The following DTWD2 variants were observed in gnomAD, a reference collection of about 807,000 sequenced individuals.
DTWD2 encodes tRNA-uridine aminocarboxypropyltransferase 2.
A neutral mutation model predicts 31.8 loss-of-function variants in DTWD2; 39 were observed. That is an observed-to-expected ratio of 1.22 (90% CI 0.95 to 1.60). DTWD2 has a LOEUF of 1.60. Among genes scored for constraint, DTWD2 ranks in the 40% most tolerant of loss-of-function variants. DTWD2 has a pLI of 0.00. For synonymous variants in DTWD2, 180 were observed against 142.8 expected, an observed-to-expected ratio of 1.26 and a Z score of -1.86; for missense variants, 515 against 381.5, an observed-to-expected ratio of 1.35 and a Z score of -2.92.
intron 4 of DTWD2, among the ~76,000 whole-genome samples, chr5:118,873,346 TG>T (rs1752548897): frequency 6.6e-6 from 1 of 152,194 alleles, no homozygotes; most frequent in Non-Finnish European, 1.5e-5. Context: ...CTCAGTTGGC[TG>T]GCCTCTCCCA....
At chr5:118,845,420 G>C (rs1751829006) in intron 5 of DTWD2, among the ~76,000 whole-genome samples, 1 of 152,126 alleles carries the variant, frequency 6.6e-6, no homozygotes. Flanking sequence ...AACTAGATTT[G>C]AAAAGGCTGG....
rs1316914300 is a variant in DTWD2, at chr5:118,944,648, G to C, written c.220C>G (p.Arg74Gly). 1.2e-6 allele frequency: 2 copies of C among 1,610,516 alleles called. No individual in the cohort carries two copies. The highest frequency in any genetic ancestry group is 1.7e-6 in the Non-Finnish European group (2 of 1,178,850). The change falls in exon 2 of 6, where the codon CGG (arginine) becomes GGG (glycine). Residue 74 changes from arginine to glycine, a missense_variant and splice_region_variant. Coordinates refer to ENST00000510708, the MANE Select transcript of DTWD2 (RefSeq NM_173666.4). ...GGACACAAACACACTTTCTGAGGCC[G>C]GCTAAAGGGTAAAAAGAAAAATAAA... ...ERRPECTRCS[R>G]PQKVCLCPFL...
intron 1 of DTWD2, among the ~76,000 whole-genome samples, chr5:118,946,156 C>T (rs1249481893): frequency 1.3e-5 from 2 of 152,196 alleles, no homozygotes; most frequent in African/African-American, 4.8e-5. Context: ...TCATATTATA[C>T]ATGACTCCAC....
intron 4 of DTWD2, among the ~76,000 whole-genome samples, chr5:118,876,687 A>C (rs1752628840): frequency 6.6e-6 from 1 of 152,126 alleles, no homozygotes; most frequent in Non-Finnish European, 1.5e-5. Context: ...AAACAGGAAG[A>C]AGTCCTTAAA....
chr5:118,917,586 T>G (rs1561454744), intron 4 of DTWD2, among the ~76,000 whole-genome samples: 1 of 152,124 alleles, frequency 6.6e-6, no homozygotes, highest in East Asian at 1.9e-4. Flanking sequence ...CTTAGGAAAC[T>G]TACATTCATG....
Position 118,939,287 on chromosome 5 carries a change from T to C in DTWD2, c.313A>G (p.Asn105Asp), listed in dbSNP as rs781742349. The C allele has an allele frequency of 6.4e-7, 1 of 1,565,172 alleles. No homozygotes were observed. The highest frequency in any genetic ancestry group is 2.3e-5 in the East Asian group (1 of 43,036). The change falls in exon 3 of 6, where the codon AAC becomes GAC. Residue 105 changes from asparagine (N) to aspartate (D), a missense_variant. Physicochemically the swap from Asn to Asp is conservative, Grantham distance 23. Coordinates refer to ENST00000510708, the MANE Select transcript of DTWD2 (RefSeq NM_173666.4). ...LYIIQHPAEENKVLRTVPLLA... is the reference protein window; with the variant it reads ...LYIIQHPAEEDKVLRTVPLLA... ...AGAGGAACTGTACGCAACACTTTGTTTTCCTTTAATTAAAAAATGAATTGA... is the reference window on the plus strand; with the variant it reads ...AGAGGAACTGTACGCAACACTTTGTCTTCCTTTAATTAAAAAATGAATTGA...
Position 118,870,934 on chromosome 5 carries a change from T to C in DTWD2, c.598-22716A>G, listed in dbSNP as rs1273025254. On this transcript the variant is annotated intron_variant, in intron 4 of 5. Coordinates refer to ENST00000510708, the MANE Select transcript of DTWD2 (RefSeq NM_173666.4). ...ATATTCTAAATCTTATATAATAACT[T>C]ATATAATATATAATGTACATATAAC... Among the ~76,000 whole-genome samples, 4 of 147,934 alleles carry C rather than the reference T, an allele frequency of 2.7e-5. No individual in the cohort carries two copies. In the Admixed American group the frequency reaches 2.8e-4, roughly 10 times the overall value.
chr5:118,871,187 C>A (rs558782973), intron 4 of DTWD2, among the ~76,000 whole-genome samples: 10 of 152,142 alleles, frequency 6.6e-5, no homozygotes, highest in Non-Finnish European at 5.9e-5. Flanking sequence ...TCATTTGCAT[C>A]TTTAGGTTCC....
At chr5:118,925,551 A>G (rs904389597) in intron 4 of DTWD2, among the ~76,000 whole-genome samples, 1 of 152,222 alleles carries the variant, frequency 6.6e-6, no homozygotes, top group African/African-American at 2.4e-5. Flanking sequence ...GATTCCTTAA[A>G]GAACTAAAAG....
Position 118,851,939 on chromosome 5 carries a change from T to G in DTWD2, c.598-3721A>C, listed in dbSNP as rs528682852. On this transcript the variant is annotated intron_variant, in intron 4 of 5. Coordinates refer to ENST00000510708, the MANE Select transcript of DTWD2 (RefSeq NM_173666.4). ...GGGGTTTTCCCAATCCTAGTAAGCCTGAGGGTACTGCAGGAGACCAGGGCA... is the reference window on the plus strand; with the variant it reads ...GGGGTTTTCCCAATCCTAGTAAGCCGGAGGGTACTGCAGGAGACCAGGGCA... 4.6e-3 allele frequency among the ~76,000 whole-genome samples: 705 copies of G among 152,112 alleles called. 3 individuals carry two copies. The highest frequency in any genetic ancestry group is 7.8e-3 in the Non-Finnish European group (531 of 67,994).
At chr5:118,911,146 C>T (rs1176183035) in intron 4 of DTWD2, among the ~76,000 whole-genome samples, 1 of 152,172 alleles carries the variant, frequency 6.6e-6, no homozygotes, top group East Asian at 1.9e-4. Flanking sequence ...ATTAATAAAT[C>T]AGCAAATGAC....
chr5:118,878,858 A>G (rs1752676454), intron 4 of DTWD2, among the ~76,000 whole-genome samples: 1 of 152,242 alleles, frequency 6.6e-6, no homozygotes, highest in South Asian at 2.1e-4. Flanking sequence ...AAAAGAAGAC[A>G]TACATGTGGC....
chr5:118,854,095 G>C lies in DTWD2; in HGVS notation c.598-5877C>G, dbSNP rs758599610. 1.5e-4 allele frequency among the ~76,000 whole-genome samples: 23 copies of C among 152,076 alleles called. No homozygotes were observed. In the South Asian group the frequency reaches 3.7e-3, roughly 25 times the overall value. The stretch of plus-strand genomic sequence containing the variant: ...AACTTTGGTAAGTTAATAAAGTTGA[G>C]GTAGCTCACTTACAGCATACAAATA... On this transcript the variant is annotated intron_variant, in intron 4 of 5. Transcript: ENST00000510708.
intron 1 of DTWD2, chr5:118,974,006 G>A (rs1447419417): frequency 7.5e-6 from 12 of 1,600,174 alleles, no homozygotes; most frequent in South Asian, 6.6e-5. Context: ...AGGTGATGGT[G>A]AGGAAGAGGA....
intron 3 of DTWD2, among the ~76,000 whole-genome samples, chr5:118,931,647 C>T (rs944828807): frequency 3.9e-5 from 6 of 152,156 alleles, no homozygotes; most frequent in African/African-American, 1.4e-4. Context: ...CAGTTGGAGA[C>T]TTCAGTACAA....
intron 5 of DTWD2, among the ~76,000 whole-genome samples, chr5:118,842,062 C>G (rs889965305): frequency 6.6e-6 from 1 of 152,142 alleles, no homozygotes. Context: ...TCATTCCTAA[C>G]TATAATACAC....
chr5:118,878,207 A>G (rs1276485498), intron 4 of DTWD2, among the ~76,000 whole-genome samples: 3 of 152,248 alleles, frequency 2.0e-5, no homozygotes, highest in Admixed American at 6.5e-5. Flanking sequence ...TAGCCAAGGC[A>G]ATCCTAAGCA....
At chr5:118,858,814 G>A (rs1752195353) in intron 4 of DTWD2, among the ~76,000 whole-genome samples, 3 of 152,064 alleles carry the variant, frequency 2.0e-5, no homozygotes, top group Admixed American at 1.3e-4. Flanking sequence ...TTTCTCAACT[G>A]TCTCAAAACA....
chr5:118,986,321 T>C lies in DTWD2; in HGVS notation c.218+1973A>G, dbSNP rs982296828. On this transcript the variant is annotated intron_variant, in intron 1 of 5. Transcript: ENST00000510708. The stretch of plus-strand genomic sequence containing the variant: ...ACAGAATACATTTATAGAATCTATA[T>C]CTTGCAATAATAAATTACAAGTTTG... 3.3e-5 allele frequency among the ~76,000 whole-genome samples: 5 copies of C among 152,336 alleles called. No individual in the cohort carries two copies. In the South Asian group the frequency reaches 1.0e-3, roughly 32 times the overall value.
Sources: allele counts gnomAD v4.1 joint callset (sites outside exome capture counted in the v4.1 genomes callset), GRCh38; gene constraint gnomAD v4.1.1; transcripts MANE v1.5; gene names NCBI Gene and HGNC (gene_info 2026-07-23, HGNC 2026-07-21).